The following NRXN3 variants were observed in gnomAD, a reference collection of about 807,000 sequenced individuals.
The protein encoded by NRXN3 is neurexin 3.
In NRXN3, 32 loss-of-function variants were observed where a neutral mutation model predicts 137.6. The ratio of observed to expected loss-of-function variants is 0.23; its 90% confidence interval spans 0.18 to 0.31. The LOEUF (loss-of-function observed/expected upper bound fraction) is 0.31. NRXN3 is among the 10% of genes least tolerant of loss of function. The pLI is 1.00. For missense variants in NRXN3, 1,574 were observed against 2,062.5 expected (o/e 0.76, Z 4.59); for synonymous variants, 798 against 784.5 (o/e 1.02, Z -0.29).
chr14:78,389,245 A>G (rs2090428814), intron 4 of NRXN3, among the ~76,000 whole-genome samples: 1 of 151,960 alleles, frequency 6.6e-6, no homozygotes, highest in African/African-American at 2.4e-5. Flanking sequence ...TAGTACAGTC[A>G]GGGTTTCACT....
chr14:78,749,765 T>C (rs1246966768), intron 8 of NRXN3, among the ~76,000 whole-genome samples: 4 of 152,172 alleles, frequency 2.6e-5, no homozygotes, highest in African/African-American at 9.7e-5. Flanking sequence ...CTTTCACTTT[T>C]CCTCCAACTT....
chr14:79,755,192 C>T (rs574718973), intron 19 of NRXN3, among the ~76,000 whole-genome samples: 3 of 152,214 alleles, frequency 2.0e-5, no homozygotes, highest in South Asian at 4.2e-4. Context: ...TACATATCCT[C>T]TCACGTACTT....
At chr14:78,323,012 G>A (rs1312478699) in intron 4 of NRXN3, among the ~76,000 whole-genome samples, 2 of 151,860 alleles carry the variant, frequency 1.3e-5, no homozygotes, top group Non-Finnish European at 2.9e-5. Flanking sequence ...ACTCCTTATG[G>A]CCACCATAAT....
chr14:79,640,844 A>G (rs1332404632), intron 16 of NRXN3, among the ~76,000 whole-genome samples: 2 of 135,410 alleles, frequency 1.5e-5, no homozygotes, highest in African/African-American at 4.9e-5. Context: ...ATTAACTAAC[A>G]GCAAAGAGAC....
rs762054217 is a variant in NRXN3 at position 78,244,303 on chromosome 14, G to A, written c.709+501G>A. 2.6e-5 allele frequency among the ~76,000 whole-genome samples: 4 copies of A among 152,076 alleles called. No homozygotes were observed. In the South Asian group the frequency reaches 8.3e-4, roughly 31 times the overall value. On this transcript the variant is annotated intron_variant, in intron 2 of 20. Transcript: ENST00000335750. ...AAATTAGCTGGGCATGGTGGCGCAC[G>A]CCTGTAGTCACAGCTACTCGCAAGG...
intron 15 of NRXN3, among the ~76,000 whole-genome samples, chr14:79,234,814 A>G (rs189066665): frequency 2.0e-4 from 31 of 152,200 alleles, no homozygotes; most frequent in African/African-American, 6.0e-4. Context: ...TTCACTTTGT[A>G]ATATTCCTTG....
chr14:79,118,853 T>C (rs1034281200), intron 15 of NRXN3, among the ~76,000 whole-genome samples: 4 of 152,230 alleles, frequency 2.6e-5, no homozygotes, highest in Admixed American at 2.0e-4. Flanking sequence ...TGTTTTATTT[T>C]AGTCCTGTAA....
chr14:78,664,446 T>C (rs2097864833), intron 6 of NRXN3, among the ~76,000 whole-genome samples: 1 of 152,188 alleles, frequency 6.6e-6, no homozygotes, highest in Non-Finnish European at 1.5e-5. Flanking sequence ...CAAAATCACT[T>C]CTTTGATACT....
chr14:79,288,599 A>G (rs1450435163), intron 15 of NRXN3, among the ~76,000 whole-genome samples: 2 of 152,222 alleles, frequency 1.3e-5, no homozygotes, highest in African/African-American at 2.4e-5. Flanking sequence ...ATGGTGTTAA[A>G]GCCAGGATTC....
At chr14:78,805,226 A>T (rs1242122789) in intron 9 of NRXN3, among the ~76,000 whole-genome samples, 3 of 150,326 alleles carry the variant, frequency 2.0e-5, no homozygotes, top group Admixed American at 6.6e-5. Context: ...GTCCAACTTC[A>T]TTTGATTTCT....
At chr14:79,537,923 T>G (rs1413854543) in intron 16 of NRXN3, among the ~76,000 whole-genome samples, 3 of 152,200 alleles carry the variant, frequency 2.0e-5, no homozygotes, top group Non-Finnish European at 4.4e-5. Context: ...GTCAAAGTGT[T>G]CCTATTTCTC....
intron 1 of NRXN3, among the ~76,000 whole-genome samples, chr14:78,184,437 A>G (rs1439994492): frequency 6.6e-6 from 1 of 152,224 alleles, no homozygotes; most frequent in Non-Finnish European, 1.5e-5. Flanking sequence ...CTTATGTCTT[A>G]AGAGGGAAGG....
At chr14:78,264,369 G>C (rs1336705841) in intron 2 of NRXN3, among the ~76,000 whole-genome samples, 1 of 152,140 alleles carries the variant, frequency 6.6e-6, no homozygotes, top group Non-Finnish European at 1.5e-5. Context: ...ACTTCTCCAT[G>C]CTTCCTAGCT....
intron 15 of NRXN3, among the ~76,000 whole-genome samples, chr14:79,410,535 GA>G (rs1241883507): frequency 2.0e-5 from 3 of 151,172 alleles, no homozygotes; most frequent in African/African-American, 7.3e-5. Flanking sequence ...AAAATATCCA[GA>G]AGGACAATAT....
At chr14:78,805,856 T>C (rs1255811299) in intron 9 of NRXN3, among the ~76,000 whole-genome samples, 1 of 151,954 alleles carries the variant, frequency 6.6e-6, no homozygotes, top group East Asian at 1.9e-4. Context: ...AAAACTGGGG[T>C]CAGTGGGGGT....
In NRXN3 at chr14:79,697,636, A is replaced by T; in HGVS notation, c.3713A>T (p.Gln1238Leu). 6.2e-7 allele frequency: 1 copy of T among 1,610,994 alleles called. No homozygotes were observed. The highest frequency in any genetic ancestry group is 8.5e-7 in the Non-Finnish European group (1 of 1,177,828). Residue 1238 changes from glutamine (Q) to leucine (L), a missense_variant, in exon 19 of 21, where the codon CAG becomes CTG. Physicochemically the swap from Gln to Leu is moderately radical, Grantham distance 113. Around this residue, in one of 5 missense-constraint regions of NRXN3, gnomAD observed 133 missense variants for 241.8 expected, o/e 0.55. Transcript: ENST00000335750. ...VEEWLQEKGR[Q>L]LTIFNTQAQI... ...CCTCCACCCAACCCACTAGGCCGGC[A>T]GTTAACCATCTTCAACACTCAGGCG...
At chr14:78,953,039 C>A (rs1362742220) in intron 10 of NRXN3, among the ~76,000 whole-genome samples, 1 of 152,136 alleles carries the variant, frequency 6.6e-6, no homozygotes, top group Non-Finnish European at 1.5e-5. Context: ...AACTTGTAGT[C>A]TTGCTGCTTA....
intron 16 of NRXN3, among the ~76,000 whole-genome samples, chr14:79,489,565 T>C (rs187839372): frequency 6.6e-6 from 1 of 152,318 alleles, no homozygotes; most frequent in East Asian, 1.9e-4. Flanking sequence ...AGAATAAGCA[T>C]GAAGGACCTC....
intron 2 of NRXN3, chr14:78,250,152 A>C (rs371976204): frequency 2.2e-5 from 11 of 506,952 alleles, no homozygotes; most frequent in African/African-American, 1.2e-4. Context: ...GCAGGTATTA[A>C]GAGGCAGAGC....
Sources: allele counts gnomAD v4.1 joint callset (sites outside exome capture counted in the v4.1 genomes callset), GRCh38; gene constraint gnomAD v4.1.1; regional missense constraint gnomAD v4.1.1; transcripts MANE v1.5; gene names NCBI Gene and HGNC (gene_info 2026-07-23, HGNC 2026-07-21).